CACNG2: variants seen among roughly 807,000 people sequenced by gnomAD.
CACNG2 encodes calcium voltage-gated channel auxiliary subunit gamma 2.
CACNG2 carries 3 observed loss-of-function variants against 25.9 expected under a neutral mutation model. The observed-to-expected ratio is 0.12, with a 90% CI of 0.05 to 0.30. CACNG2 has a LOEUF of 0.30. Among genes scored for constraint, CACNG2 ranks in the 10% least tolerant of loss-of-function variants. The probability of loss-of-function intolerance (pLI) is 1.00; values close to 1 mark genes in which losing one functional copy is unlikely to be tolerated. For missense variants in CACNG2, 341 were observed against 432.5 expected (o/e 0.79, Z 1.88); for synonymous variants, 167 against 173.3 (o/e 0.96, Z 0.29).
chr22:36,641,258 C>T (rs377634903), intron 1 of CACNG2, among the ~76,000 whole-genome samples: 4 of 152,150 alleles, frequency 2.6e-5, no homozygotes, highest in African/African-American at 7.2e-5. Context: ...GCAGAGCCCA[C>T]GAGGGGAAGG....
At chr22:36,652,518 G>T (rs1252509710) in intron 1 of CACNG2, among the ~76,000 whole-genome samples, 1 of 151,960 alleles carries the variant, frequency 6.6e-6, no homozygotes, top group Non-Finnish European at 1.5e-5. Context: ...TCACCCTCAG[G>T]CCTCAGGCTC....
intron 1 of CACNG2, among the ~76,000 whole-genome samples, chr22:36,593,749 C>T (rs1182565710): frequency 2.0e-5 from 3 of 151,762 alleles, no homozygotes; most frequent in East Asian, 1.9e-4. Context: ...GGTCACTGTG[C>T]GATTGGTCCC....
At chr22:36,571,891 A>C (rs13057894) in intron 2 of CACNG2, among the ~76,000 whole-genome samples, 27 of 148,454 alleles carry the variant, frequency 1.8e-4, no homozygotes, top group African/African-American at 4.1e-4. Flanking sequence ...ACAAAAAAAA[A>C]AAAAAAAAGA....
chr22:36,691,920 C>T (rs1444042004), intron 1 of CACNG2, among the ~76,000 whole-genome samples: 1 of 152,148 alleles, frequency 6.6e-6, no homozygotes, highest in East Asian at 1.9e-4. Flanking sequence ...GAGACAAGAG[C>T]TATCAACACT....
chr22:36,619,117 C>T lies in CACNG2; in HGVS notation c.212-31569G>A, dbSNP rs577873385. 4.6e-5 allele frequency among the ~76,000 whole-genome samples: 7 copies of T among 152,176 alleles called. No homozygotes were observed. In the South Asian group the frequency reaches 1.5e-3, roughly 32 times the overall value. ...TTCTACTCAGATGAGGAAACCGAGA[C>T]CCAGAAAGGTGAAGGGATGGCCCAA... On this transcript the variant is annotated intron_variant, in intron 1 of 3. Transcript: ENST00000300105.
At chr22:36,566,999 A>C (rs1338246339) in intron 2 of CACNG2, among the ~76,000 whole-genome samples, 1 of 152,198 alleles carries the variant, frequency 6.6e-6, no homozygotes, top group Non-Finnish European at 1.5e-5. Context: ...CCTCGTCTGC[A>C]CTTTGGGGCC....
At chr22:36,567,025 A>G (rs1367968034) in intron 2 of CACNG2, among the ~76,000 whole-genome samples, 1 of 152,170 alleles carries the variant, frequency 6.6e-6, no homozygotes, top group Non-Finnish European at 1.5e-5. Flanking sequence ...GCACGCTGAG[A>G]GGCAGTGTGG....
intron 1 of CACNG2, among the ~76,000 whole-genome samples, chr22:36,697,651 G>A (rs1937357308): frequency 6.6e-6 from 1 of 152,196 alleles, no homozygotes; most frequent in Admixed American, 6.5e-5. Context: ...TGGCTAACAC[G>A]GTGAGAATGG....
At chr22:36,621,345 T>G (rs1482215412) in intron 1 of CACNG2, among the ~76,000 whole-genome samples, 2 of 152,118 alleles carry the variant, frequency 1.3e-5, no homozygotes, top group African/African-American at 4.8e-5. Context: ...CTGTCTCTAC[T>G]AAAAATACAA....
At chr22:36,682,762 C>T (rs1316774372) in intron 1 of CACNG2, among the ~76,000 whole-genome samples, 4 of 152,120 alleles carry the variant, frequency 2.6e-5, no homozygotes, top group African/African-American at 7.2e-5. Context: ...TTTGAAGATG[C>T]TGCCCTGGTT....
In CACNG2 at chr22:36,564,632, A is replaced by T; in HGVS notation, c.691T>A (p.Tyr231Asn). 1.2e-6 allele frequency: 2 copies of T among 1,613,894 alleles called. No individual in the cohort carries two copies. Among genetic ancestry groups the T allele is most frequent in the Non-Finnish European group, 1.7e-6 (2 of 1,179,968 alleles). ...SAITRIPSYR[Y>N]RYQRRSRSSS... ...GAGCGGCTGCGGCGCTGGTAGCGGT[A>T]GCGGTAGCTGGGGATGCGGGTGATG... Residue 231 changes from tyrosine (Y) to asparagine (N), a missense_variant, in exon 4 of 4, where the codon TAC (tyrosine) becomes AAC (asparagine). This residue lies in a region of CACNG2 where 172 missense variants were observed against 178.1 expected (regional missense o/e 0.97). Transcript: ENST00000300105. The surrounding 1 kb of genome is among the most constrained non-coding windows in gnomAD (Gnocchi z 6.7).
At chr22:36,572,961 C>A (rs183190049) in intron 2 of CACNG2, among the ~76,000 whole-genome samples, 1 of 152,290 alleles carries the variant, frequency 6.6e-6, no homozygotes, top group Admixed American at 6.5e-5. Context: ...TGGTTCATGT[C>A]TTTCTAGAGC....
chr22:36,613,249 G>A (rs1362514760), intron 1 of CACNG2, among the ~76,000 whole-genome samples: 3 of 151,878 alleles, frequency 2.0e-5, no homozygotes. Flanking sequence ...GGGGAACACT[G>A]CAGTAAATGA....
At chr22:36,589,309 G>A (rs1285772967) in intron 1 of CACNG2, among the ~76,000 whole-genome samples, 6 of 151,908 alleles carry the variant, frequency 3.9e-5, no homozygotes, top group South Asian at 2.1e-4. Context: ...ATATATATAT[G>A]TGTGTGTGTG....
chr22:36,616,546 A>G (rs1936024203), intron 1 of CACNG2, among the ~76,000 whole-genome samples: 1 of 152,106 alleles, frequency 6.6e-6, no homozygotes, highest in Non-Finnish European at 1.5e-5. Context: ...TTGCTGATAG[A>G]GGTCTGGACA....
At chr22:36,650,979 C>T (rs1936602849) in intron 1 of CACNG2, among the ~76,000 whole-genome samples, 1 of 152,114 alleles carries the variant, frequency 6.6e-6, no homozygotes, top group Non-Finnish European at 1.5e-5. Context: ...TCAAATATTA[C>T]TTTCTTACTA....
intron 1 of CACNG2, among the ~76,000 whole-genome samples, chr22:36,619,479 AT>A: frequency 6.6e-6 from 1 of 152,204 alleles, no homozygotes; most frequent in East Asian, 1.9e-4. Context: ...CGAAGTGTCT[AT>A]TGAGTTCACT....
intron 2 of CACNG2, among the ~76,000 whole-genome samples, chr22:36,569,513 T>C (rs567833138): frequency 5.6e-4 from 86 of 152,266 alleles, no homozygotes; most frequent in African/African-American, 2.0e-3. Context: ...CTGTGTAACA[T>C]GGGGTATGGC....
At chr22:36,635,168 C>T (rs1936334902) in intron 1 of CACNG2, among the ~76,000 whole-genome samples, 1 of 151,690 alleles carries the variant, frequency 6.6e-6, no homozygotes, top group African/African-American at 2.4e-5. Flanking sequence ...CCTGTAGTCC[C>T]AGCTATTTGG....
Sources: allele counts gnomAD v4.1 joint callset (sites outside exome capture counted in the v4.1 genomes callset), GRCh38; gene constraint gnomAD v4.1.1; regional missense constraint gnomAD v4.1.1; non-coding constraint Gnocchi (gnomAD v3.1); transcripts MANE v1.5; gene names NCBI Gene and HGNC (gene_info 2026-07-23, HGNC 2026-07-21).